LRRC4C: variants seen among roughly 807,000 people sequenced by gnomAD.
The protein encoded by LRRC4C is leucine rich repeat containing 4C.
In LRRC4C, 5 loss-of-function variants were observed where a neutral mutation model predicts 33.6. That is an observed-to-expected ratio of 0.15 (90% CI 0.08 to 0.31). The LOEUF is 0.31. Among genes scored for constraint, LRRC4C ranks in the 10% least tolerant of loss-of-function variants. LRRC4C has a pLI of 1.00. For synonymous variants in LRRC4C, 329 were observed against 302.0 expected (o/e 1.09, Z -0.93); for missense variants, 560 against 796.7 (o/e 0.70, Z 3.58).
intron 3 of LRRC4C, among the ~76,000 whole-genome samples, chr11:40,433,558 T>A (rs1051028562): frequency 6.6e-6 from 1 of 152,046 alleles, no homozygotes; most frequent in Non-Finnish European, 1.5e-5. Context: ...GGAAAAAAAA[T>A]TAGATAGTTA....
intron 4 of LRRC4C, among the ~76,000 whole-genome samples, chr11:40,304,426 G>C (rs2136690736): frequency 6.6e-6 from 1 of 152,316 alleles, no homozygotes; most frequent in East Asian, 1.9e-4. Context: ...CTGATTGACT[G>C]AAGTGTCAAA....
intron 2 of LRRC4C, among the ~76,000 whole-genome samples, chr11:40,897,700 G>A (rs1956008398): frequency 6.6e-6 from 1 of 152,174 alleles, no homozygotes; most frequent in African/African-American, 2.4e-5. Flanking sequence ...GCAATATACA[G>A]CTATTACTGC....
intron 1 of LRRC4C, among the ~76,000 whole-genome samples, chr11:41,352,916 A>T (rs1952031171): frequency 6.6e-6 from 1 of 152,094 alleles, no homozygotes; most frequent in Admixed American, 6.6e-5. Flanking sequence ...TTCATCAAAA[A>T]CTTAGAAAGA....
At chr11:41,272,080 A>G (rs1046310156) in intron 1 of LRRC4C, among the ~76,000 whole-genome samples, 2 of 152,108 alleles carry the variant, frequency 1.3e-5, no homozygotes, top group Non-Finnish European at 2.9e-5. Flanking sequence ...CCCACAGGGG[A>G]AAAAAAGGAA....
chr11:41,183,605 T>C (rs796268824), intron 1 of LRRC4C, among the ~76,000 whole-genome samples: 5 of 152,288 alleles, frequency 3.3e-5, no homozygotes, highest in African/African-American at 1.2e-4. Context: ...ACAGACTCCC[T>C]GCTGGCTGCT....
At chr11:40,988,708 CT>C (rs1311047942) in intron 1 of LRRC4C, among the ~76,000 whole-genome samples, 7 of 107,062 alleles carry the variant, frequency 6.5e-5, no homozygotes, top group Non-Finnish European at 1.2e-4. Flanking sequence ...CCTTTCTTTT[CT>C]TTTCTTTTTT....
intron 2 of LRRC4C, among the ~76,000 whole-genome samples, chr11:40,916,546 G>T (rs1956967585): frequency 6.6e-6 from 1 of 152,082 alleles, no homozygotes; most frequent in Admixed American, 6.6e-5. Flanking sequence ...GGGGCCTGTT[G>T]TGGGGTGGTG....
At chr11:40,413,888 A>G (rs985724484) in intron 3 of LRRC4C, among the ~76,000 whole-genome samples, 6 of 152,108 alleles carry the variant, frequency 3.9e-5, no homozygotes, top group Non-Finnish European at 7.4e-5. Context: ...CAGTGGCAGA[A>G]CTACTGACCA....
At chr11:40,213,361 G>A (rs1243594975) in intron 5 of LRRC4C, among the ~76,000 whole-genome samples, 1 of 152,076 alleles carries the variant, frequency 6.6e-6, no homozygotes, top group Non-Finnish European at 1.5e-5. Context: ...GCACCCGTAG[G>A]GATATGTTGT....
chr11:41,428,904 T>C (rs1955135865), intron 1 of LRRC4C, among the ~76,000 whole-genome samples: 1 of 152,098 alleles, frequency 6.6e-6, no homozygotes, highest in East Asian at 1.9e-4. Context: ...CTTCAACCCT[T>C]GGTATAAAGG....
At chr11:40,608,567 T>A (rs1960875974) in intron 3 of LRRC4C, among the ~76,000 whole-genome samples, 1 of 152,110 alleles carries the variant, frequency 6.6e-6, no homozygotes, top group Non-Finnish European at 1.5e-5. Flanking sequence ...TCTAAATTAA[T>A]TACCTTTCCA....
chr11:40,114,976 G>A lies in LRRC4C; in HGVS notation c.1317C>T (p.Ala439=). 1 of 1,614,178 alleles carries A rather than the reference G, an allele frequency of 6.2e-7. No homozygotes were observed. The highest frequency in any genetic ancestry group is 8.5e-7 in the Non-Finnish European group (1 of 1,180,030). ...TGGTTGCTGCAGTAACATTCAGGGT[G>A]GCTGAAGCAGTAGTATTCCCAACGG... ...SNSVGNTTAS[A]TLNVTAATTT... is the part of the protein sequence containing the mutation. The change falls in exon 7 of 7, where the codon GCC becomes GCT. Residue 439 remains alanine (A), a synonymous_variant. Coordinates refer to ENST00000528697, the MANE Select transcript of LRRC4C (RefSeq NM_001258419.2).
intron 5 of LRRC4C, among the ~76,000 whole-genome samples, chr11:40,199,901 A>T (rs7106045): frequency 6.6e-6 from 1 of 152,004 alleles, no homozygotes; most frequent in Non-Finnish European, 1.5e-5. Flanking sequence ...GTTATGTTCC[A>T]CGAGATGAGA....
At chr11:41,370,861 A>G (rs1000130392) in intron 1 of LRRC4C, among the ~76,000 whole-genome samples, 10 of 152,102 alleles carry the variant, frequency 6.6e-5, no homozygotes, top group African/African-American at 2.4e-4. Context: ...AAATGAAAAC[A>G]AACACAAATA....
Position 41,354,236 on chromosome 11 carries a change from A to C in LRRC4C, c.-496+105195T>G, listed in dbSNP as rs532400303. Among the ~76,000 whole-genome samples, 55 of 152,256 alleles carry C rather than the reference A, an allele frequency of 3.6e-4. 1 individual carries two copies. The South Asian group carries it at 5.6e-3, about 15-fold the overall frequency. ...TAGCATTATACACCAATAACATCCAAGCTAAGAGCGAAATCAAGAACACAA... is the reference window on the plus strand; with the variant it reads ...TAGCATTATACACCAATAACATCCACGCTAAGAGCGAAATCAAGAACACAA... On this transcript the variant is annotated intron_variant, in intron 1 of 6. Coordinates refer to ENST00000528697, the MANE Select transcript of LRRC4C (RefSeq NM_001258419.2).
At chr11:40,390,140 A>C (rs1949280376) in intron 3 of LRRC4C, among the ~76,000 whole-genome samples, 1 of 152,192 alleles carries the variant, frequency 6.6e-6, no homozygotes, top group Non-Finnish European at 1.5e-5. Flanking sequence ...ATCAAAACAC[A>C]TCAGCTCCTG....
chr11:40,160,458 G>T (rs1441166258), intron 5 of LRRC4C, among the ~76,000 whole-genome samples: 35 of 152,096 alleles, frequency 2.3e-4, no homozygotes, highest in Admixed American at 2.3e-3. Context: ...GAGGGCATGA[G>T]AACAGATGTT....
At position 41,081,943 on chromosome 11, in the gene LRRC4C, G is replaced by A. The variant is rs138842099; in HGVS notation, c.-495-148220C>T. Among the ~76,000 whole-genome samples, 561 of 152,232 alleles carry A rather than the reference G, an allele frequency of 3.7e-3. 3 individuals carry two copies. Among genetic ancestry groups the A allele is most frequent in the African/African-American group, 0.013 (528 of 41,560 alleles). ...GATGTATTTATACCGTACAGTCGGG[G>A]TCTCCCTATGGGCAGCTGCTTCATC... On this transcript the variant is annotated intron_variant, in intron 1 of 6. Coordinates refer to ENST00000528697, the MANE Select transcript of LRRC4C (RefSeq NM_001258419.2).
chr11:41,103,125 A>G (rs1458536446), intron 1 of LRRC4C, among the ~76,000 whole-genome samples: 4 of 152,022 alleles, frequency 2.6e-5, no homozygotes, highest in Non-Finnish European at 5.9e-5. Context: ...CTGTGACAAC[A>G]TGGCCTGTTC....
Sources: gnomAD v4.1 joint callset for allele counts (sites outside exome capture counted in the v4.1 genomes callset) on GRCh38, gnomAD v4.1.1 for gene constraint, MANE v1.5 for transcripts, NCBI Gene and HGNC (gene_info 2026-07-23, HGNC 2026-07-21) for gene names.